The following ROBO2 variants were observed in gnomAD, a reference collection of about 807,000 sequenced individuals.
ROBO2 encodes roundabout guidance receptor 2, also known as roundabout homolog 2.
Under a neutral mutation model 160.8 loss-of-function variants are expected in ROBO2, and 53 were observed. The ratio of observed to expected loss-of-function variants is 0.33; its 90% CI spans 0.26 to 0.41. The LOEUF (loss-of-function observed/expected upper bound fraction) is 0.41, where lower values mean the gene tolerates loss of function less well. Among genes scored for constraint, ROBO2 ranks in the 10% least tolerant of loss-of-function variants. The probability of loss-of-function intolerance (pLI) is 1.00; values close to 1 mark genes in which losing one functional copy is unlikely to be tolerated. For synonymous variants in ROBO2, 664 were observed against 611.7 expected, an observed-to-expected ratio of 1.09 and a Z score of -1.26; for missense variants, 1,577 against 1,722.4, an observed-to-expected ratio of 0.92 and a Z score of 1.49.
In ROBO2 at chr3:77,210,473, T is replaced by C. The variant is rs183403449; in HGVS notation, c.388+112133T>C. On this transcript the variant is annotated intron_variant, in intron 2 of 25. Transcript: ENST00000461745. ...ACAATATACCCTACAGGACTTAAAATTTCTGTTCTAGAACAATATTTATTG... is the reference window on the plus strand; with the variant it reads ...ACAATATACCCTACAGGACTTAAAACTTCTGTTCTAGAACAATATTTATTG... 2.9e-3 allele frequency among the ~76,000 whole-genome samples: 446 copies of C among 152,238 alleles called. 1 individual carries two copies. The highest frequency in any genetic ancestry group is 0.01 in the African/African-American group (427 of 41,560).
chr3:77,317,989 G>C (rs2064239687), intron 2 of ROBO2, among the ~76,000 whole-genome samples: 1 of 151,682 alleles, frequency 6.6e-6, no homozygotes. Context: ...TGCGAAGAAG[G>C]TGGGGTGATT....
intron 2 of ROBO2, among the ~76,000 whole-genome samples, chr3:75,978,706 A>C (rs1348101283): frequency 6.6e-6 from 1 of 151,606 alleles, no homozygotes; most frequent in Non-Finnish European, 1.5e-5. Context: ...AGACACATGC[A>C]AGTTCCATGA....
chr3:76,750,653 A>G (rs993651463), intron 2 of ROBO2, among the ~76,000 whole-genome samples: 1 of 152,108 alleles, frequency 6.6e-6, no homozygotes, highest in Non-Finnish European at 1.5e-5. Flanking sequence ...CACCAATAAC[A>G]GACAAACAGA....
intron 5 of ROBO2, among the ~76,000 whole-genome samples, chr3:77,517,606 T>A (rs2153622829): frequency 6.6e-6 from 1 of 151,648 alleles, no homozygotes; most frequent in Middle Eastern, 3.4e-3. Flanking sequence ...GCTGTTACAG[T>A]CGTCCCTTCT....
At chr3:77,053,760 G>C (rs918127010) in intron 1 of ROBO2, among the ~76,000 whole-genome samples, 1 of 152,090 alleles carries the variant, frequency 6.6e-6, no homozygotes, top group Non-Finnish European at 1.5e-5. Flanking sequence ...GCTTTATTTG[G>C]TATATAAATG....
intron 2 of ROBO2, among the ~76,000 whole-genome samples, chr3:76,516,210 T>C (rs990797020): frequency 2.0e-5 from 3 of 152,166 alleles, no homozygotes; most frequent in Admixed American, 1.3e-4. Flanking sequence ...TAGGAAAATA[T>C]AACTGGGACT....
At chr3:77,251,832 C>T (rs1015996548) in intron 2 of ROBO2, among the ~76,000 whole-genome samples, 2 of 152,146 alleles carry the variant, frequency 1.3e-5, no homozygotes, top group Admixed American at 1.3e-4. Flanking sequence ...GCCGTCCACC[C>T]TGATTGTGCG....
chr3:76,188,990 G>A (rs1231961310), intron 2 of ROBO2, among the ~76,000 whole-genome samples: 2 of 152,110 alleles, frequency 1.3e-5, no homozygotes, highest in East Asian at 1.9e-4. Context: ...CTTGTAATCC[G>A]TGGAAGCAGT....
intron 2 of ROBO2, among the ~76,000 whole-genome samples, chr3:76,047,753 A>G (rs2067499654): frequency 6.6e-6 from 1 of 152,242 alleles, no homozygotes; most frequent in Admixed American, 6.5e-5. Flanking sequence ...AAGCATGTAC[A>G]TTCTTCAACC....
intron 2 of ROBO2, among the ~76,000 whole-genome samples, chr3:75,961,718 C>T (rs1239365440): frequency 6.6e-6 from 1 of 151,328 alleles, no homozygotes; most frequent in Admixed American, 6.6e-5. Flanking sequence ...CAAACTGAAA[C>T]TTTTTGATGG....
At chr3:77,135,419 GA>G in intron 2 of ROBO2, among the ~76,000 whole-genome samples, 1 of 151,664 alleles carries the variant, frequency 6.6e-6, no homozygotes, top group East Asian at 1.9e-4. Flanking sequence ...TTTTTTTTTA[GA>G]AACAGGGTTT....
At chr3:77,397,192 C>A (rs1158900891) in intron 2 of ROBO2, among the ~76,000 whole-genome samples, 1 of 152,106 alleles carries the variant, frequency 6.6e-6, no homozygotes, top group Non-Finnish European at 1.5e-5. Context: ...TATTCGGGAA[C>A]TGTAGGTAAC....
At chr3:77,230,412 A>G (rs60429617) in intron 2 of ROBO2, among the ~76,000 whole-genome samples, 172 of 152,294 alleles carry the variant, frequency 1.1e-3, no homozygotes, top group African/African-American at 3.9e-3. Flanking sequence ...TACAAGAGCA[A>G]CAACAATAAT....
intron 2 of ROBO2, among the ~76,000 whole-genome samples, chr3:76,654,702 A>G (rs58173288): frequency 0.42 from 63,984 of 151,610 alleles, 13,667 homozygotes; most frequent in South Asian, 0.53. Flanking sequence ...AAATTAGATC[A>G]TAAGAAGCGC....
chr3:76,752,437 C>CA (rs201647387), intron 2 of ROBO2, among the ~76,000 whole-genome samples: 7,882 of 125,540 alleles, frequency 0.063, 278 homozygotes, highest in East Asian at 0.21. Context: ...AAGTATAAAA[C>CA]AAAAAAAAAA....
At chr3:76,817,598 A>C (rs1406775577) in intron 2 of ROBO2, among the ~76,000 whole-genome samples, 5 of 152,000 alleles carry the variant, frequency 3.3e-5, no homozygotes, top group African/African-American at 1.2e-4. Context: ...CCAATCACCC[A>C]AGCAGTGTAC....
At chr3:77,201,758 G>C in intron 2 of ROBO2, among the ~76,000 whole-genome samples, 1 of 152,200 alleles carries the variant, frequency 6.6e-6, no homozygotes, top group Non-Finnish European at 1.5e-5. Context: ...GCTGGATCTT[G>C]ATTTTGAAGT....
intron 2 of ROBO2, among the ~76,000 whole-genome samples, chr3:77,240,044 G>T (rs1199756886): frequency 6.6e-6 from 1 of 152,178 alleles, no homozygotes; most frequent in Non-Finnish European, 1.5e-5. Context: ...TGGATCCCAT[G>T]CCAGGGCCAT....
intron 2 of ROBO2, among the ~76,000 whole-genome samples, chr3:76,678,255 G>T (rs1287073193): frequency 1.3e-5 from 2 of 152,048 alleles, no homozygotes; most frequent in African/African-American, 4.8e-5. Context: ...ACAGATGTGA[G>T]CCAACACACC....
Sources: gnomAD v4.1 joint callset for allele counts (sites outside exome capture counted in the v4.1 genomes callset) on GRCh38, gnomAD v4.1.1 for gene constraint, MANE v1.5 for transcripts, NCBI Gene and HGNC (gene_info 2026-07-23, HGNC 2026-07-21) for gene names.